RCSD1: variants seen among roughly 807,000 people sequenced by gnomAD.
RCSD1 encodes the protein RCSD domain containing 1, also known as capZ-interacting protein.
A neutral mutation model predicts 42.5 loss-of-function variants in RCSD1; 26 were observed. That is an observed-to-expected ratio of 0.61 (90% CI 0.45 to 0.85). The LOEUF (loss-of-function observed/expected upper bound fraction) is 0.85. Among genes scored for constraint, RCSD1 ranks in the 40% least tolerant of loss-of-function variants. The pLI, the probability that RCSD1 is intolerant of heterozygous loss-of-function variation, is 0.00. For missense variants in RCSD1, 571 were observed against 528.3 expected (o/e 1.08, Z -0.79); for synonymous variants, 220 against 212.2 (o/e 1.04, Z -0.32).
Position 167,662,796 on chromosome 1 carries a change from C to T in RCSD1, c.7-21104C>T, listed in dbSNP as rs376532194. Among the ~76,000 whole-genome samples, 341 of 152,324 alleles carry T rather than the reference C, an allele frequency of 2.2e-3. 1 individual carries two copies. Among genetic ancestry groups the T allele is most frequent in the African/African-American group, 7.9e-3 (327 of 41,572 alleles). On this transcript the variant is annotated intron_variant, in intron 1 of 6. Coordinates refer to ENST00000367854, the MANE Select transcript of RCSD1 (RefSeq NM_052862.4). ...GAGTGTGAAGATGTTGGGGCTGTAG[C>T]AAGCGCTGGGTTTGCTTGGCATCCC...
chr1:167,691,345 A>G (rs1659371873), intron 4 of RCSD1, among the ~76,000 whole-genome samples: 1 of 152,334 alleles, frequency 6.6e-6, no homozygotes, highest in Middle Eastern at 3.4e-3. Flanking sequence ...TAATTAATGA[A>G]TGTTTTATGA....
At chr1:167,696,649 C>T (rs975304106) in intron 5 of RCSD1, among the ~76,000 whole-genome samples, 3 of 151,812 alleles carry the variant, frequency 2.0e-5, no homozygotes, top group Non-Finnish European at 4.4e-5. Context: ...GATGGAGTCT[C>T]GCTACGTTGC....
intron 1 of RCSD1, among the ~76,000 whole-genome samples, chr1:167,637,892 A>C (rs961961985): frequency 1.3e-5 from 2 of 152,190 alleles, no homozygotes; most frequent in Non-Finnish European, 2.9e-5. Context: ...CAAGGGATGC[A>C]CCAGGGTGGA....
At chr1:167,669,511 T>C (rs1169666410) in intron 1 of RCSD1, among the ~76,000 whole-genome samples, 1 of 152,246 alleles carries the variant, frequency 6.6e-6, no homozygotes, top group Non-Finnish European at 1.5e-5. Flanking sequence ...GTCTCCAGCA[T>C]AGCCCTTGCC....
chr1:167,675,877 T>G (rs905129917), intron 1 of RCSD1, among the ~76,000 whole-genome samples: 3 of 151,822 alleles, frequency 2.0e-5, no homozygotes, highest in African/African-American at 7.3e-5. Flanking sequence ...CTTAGCTAGC[T>G]GGGGCTCTAT....
At position 167,638,842 on chromosome 1, in the gene RCSD1, AT is replaced by A. The variant is rs573130656; in HGVS notation, c.6+8417del. ...CATAGCAATTTCTTCCATCCCCTTC[AT>A]TTTAAAGATGACGAAATTGAACATA... On this transcript the variant is annotated intron_variant, in intron 1 of 6. Transcript: ENST00000367854. Among the ~76,000 whole-genome samples, 16 of 152,284 alleles carry A rather than the reference AT, an allele frequency of 1.1e-4. No individual in the cohort carries two copies. In the East Asian group the frequency reaches 3.1e-3, roughly 29 times the overall value.
intron 1 of RCSD1, among the ~76,000 whole-genome samples, chr1:167,647,781 T>G (rs1475134664): frequency 6.6e-6 from 1 of 152,082 alleles, no homozygotes; most frequent in Non-Finnish European, 1.5e-5. Flanking sequence ...CCAATAAAAA[T>G]TCTTTCTAGA....
At chr1:167,681,304 C>G (rs1426640712) in intron 1 of RCSD1, among the ~76,000 whole-genome samples, 1 of 152,180 alleles carries the variant, frequency 6.6e-6, no homozygotes, top group Non-Finnish European at 1.5e-5. Flanking sequence ...CTTGCCTTCT[C>G]TGGGTTTAAT....
chr1:167,701,316 C>CTT (rs199883554), intron 6 of RCSD1, among the ~76,000 whole-genome samples: 1 of 130,968 alleles, frequency 7.6e-6, no homozygotes, highest in East Asian at 2.1e-4. Context: ...TTCTTTCTTT[C>CTT]TTTTTTTTAG....
intron 3 of RCSD1, 23 bp from the exon 4 acceptor site, chr1:167,690,026 G>GT (rs1341202483): frequency 6.2e-7 from 1 of 1,613,300 alleles, no homozygotes; most frequent in Admixed American, 1.7e-5. Flanking sequence ...TTATCTGGTT[G>GT]TTTTGGTTGA....
At chr1:167,689,822 G>A (rs1028609313) in intron 3 of RCSD1, among the ~76,000 whole-genome samples, 4 of 152,130 alleles carry the variant, frequency 2.6e-5, no homozygotes, top group South Asian at 2.1e-4. Flanking sequence ...GGATGTCGGC[G>A]CTGACTTCTC....
At chr1:167,670,134 C>G (rs1312501857) in intron 1 of RCSD1, among the ~76,000 whole-genome samples, 2 of 152,082 alleles carry the variant, frequency 1.3e-5, no homozygotes, top group Non-Finnish European at 2.9e-5. Context: ...CTCCTGGAGA[C>G]CAACCACCCT....
At position 167,694,300 on chromosome 1, in the gene RCSD1, A is replaced by C; in HGVS notation, c.472A>C (p.Lys158Gln). 1 of 1,613,744 alleles carries C rather than the reference A, an allele frequency of 6.2e-7. No individual in the cohort carries two copies. Among genetic ancestry groups the C allele is most frequent in the Non-Finnish European group, 8.5e-7 (1 of 1,179,822 alleles). ...PEGSHLPCYN[K>Q]VRTRGSIKRR... ...AGGCAGTCATCTGCCCTGTTACAACAAGGTAAATTCTAGCTCCAGATTATG... is the reference window on the plus strand; with the variant it reads ...AGGCAGTCATCTGCCCTGTTACAACCAGGTAAATTCTAGCTCCAGATTATG... The change falls in exon 5 of 7, where the codon AAG becomes CAG. Residue 158 changes from lysine to glutamine, a missense_variant and splice_region_variant. Lys to Gln is a moderately conservative substitution (Grantham distance 53, BLOSUM62 1). Coordinates refer to ENST00000367854, the MANE Select transcript of RCSD1 (RefSeq NM_052862.4).
At chr1:167,671,842 G>A (rs891420351) in intron 1 of RCSD1, among the ~76,000 whole-genome samples, 5 of 152,186 alleles carry the variant, frequency 3.3e-5, no homozygotes, top group South Asian at 4.1e-4. Context: ...CATCTTGCAC[G>A]CATGCTTACA....
At chr1:167,650,146 A>G (rs751680024) in intron 1 of RCSD1, among the ~76,000 whole-genome samples, 58 of 152,350 alleles carry the variant, frequency 3.8e-4, no homozygotes, top group Non-Finnish European at 7.5e-4. Flanking sequence ...GGAGGATTAA[A>G]TGAGATAATG....
intron 4 of RCSD1, among the ~76,000 whole-genome samples, chr1:167,692,671 C>T (rs1443503261): frequency 6.6e-6 from 1 of 152,120 alleles, no homozygotes; most frequent in African/African-American, 2.4e-5. Context: ...TCATATGCTG[C>T]TTTTTGACAT....
chr1:167,694,358 C>T (rs549532365), intron 5 of RCSD1, 56 bp downstream of exon 5: 7 of 1,509,416 alleles, frequency 4.6e-6, no homozygotes, highest in Non-Finnish European at 6.3e-6. Flanking sequence ...GGCACTGGCA[C>T]CCCTGAATTT....
At chr1:167,691,588 C>T (rs1253496363) in intron 4 of RCSD1, among the ~76,000 whole-genome samples, 1 of 152,224 alleles carries the variant, frequency 6.6e-6, no homozygotes, top group African/African-American at 2.4e-5. Flanking sequence ...CAACTGAGAG[C>T]ACCGGCTCAC....
intron 1 of RCSD1, among the ~76,000 whole-genome samples, chr1:167,632,893 C>A (rs1354952257): frequency 1.3e-5 from 2 of 152,142 alleles, no homozygotes; most frequent in Non-Finnish European, 2.9e-5. Context: ...AGGAAGTAAA[C>A]TTTTCATGGT....
Sources: gnomAD v4.1 joint callset for allele counts (sites outside exome capture counted in the v4.1 genomes callset) on GRCh38, gnomAD v4.1.1 for gene constraint, MANE v1.5 for transcripts, NCBI Gene and HGNC (gene_info 2026-07-23, HGNC 2026-07-21) for gene names.